Variants in EPN1 observed in about 807,000 individuals in gnomAD.
The protein encoded by EPN1 is epsin 1, also known as epsin-1.
Under a neutral mutation model 56.9 loss-of-function variants are expected in EPN1, and 25 were observed. The ratio of observed to expected loss-of-function variants is 0.44; its 90% CI spans 0.32 to 0.61. EPN1 has a LOEUF of 0.61. Among genes scored for constraint, EPN1 ranks in the 20% least tolerant of loss-of-function variants. The probability of loss-of-function intolerance (pLI) is 0.05; values close to 1 mark genes in which losing one functional copy is unlikely to be tolerated. For synonymous variants in EPN1, 411 were observed against 361.8 expected, an observed-to-expected ratio of 1.14 and a Z score of -1.54; for missense variants, 785 against 823.7, an observed-to-expected ratio of 0.95 and a Z score of 0.58.
chr19:55,683,742 G>A (rs758142828), intron 2 of EPN1, among the ~76,000 whole-genome samples: 3 of 152,198 alleles, frequency 2.0e-5, no homozygotes, highest in South Asian at 2.1e-4. Flanking sequence ...GTGGGTATTC[G>A]CACTATTTCC....
intron 2 of EPN1, among the ~76,000 whole-genome samples, 200 bp downstream of exon 2, chr19:55,679,055 AGTGAGTGGTGC>A (rs2122161983): frequency 6.6e-6 from 1 of 152,334 alleles, no homozygotes; most frequent in South Asian, 2.1e-4. Context: ...TCTGTTTTTG[AGTGAGTGGTGC>A]GTACGTAAGA....
Position 55,689,223 on chromosome 19 carries a change from A to G in EPN1, c.604-74A>G, listed in dbSNP as rs1309122627. ...CCCAGCCCTCTCTTTCTTCGGCTCTATCTGACCCTGGCTCTGCCTCTGACT... is the reference window on the plus strand; with the variant it reads ...CCCAGCCCTCTCTTTCTTCGGCTCTGTCTGACCCTGGCTCTGCCTCTGACT... On this transcript the variant is annotated intron_variant, in intron 4 of 10. Transcript: ENST00000270460. The surrounding 1 kb of genome is among the most constrained non-coding windows in gnomAD (Gnocchi z 5.7). The G allele has an allele frequency of 6.4e-6, 8 of 1,252,274 alleles. No homozygotes were observed. Among genetic ancestry groups the G allele is most frequent in the African/African-American group, 4.5e-5 (3 of 67,184 alleles). 77.6% of individuals were successfully genotyped at this position (1,252,274 alleles called of 1,614,324 possible).
intron 9 of EPN1, 172 bp downstream of exon 9, chr19:55,693,209 T>C: frequency 3.7e-6 from 2 of 546,000 alleles, no homozygotes; most frequent in Non-Finnish European, 6.4e-6. Flanking sequence ...TTAAAAGAAG[T>C]GTGCATCTTT....
At position 55,708,937 on chromosome 19, in the gene EPN1, T is replaced by C. The variant is rs772871257; in HGVS notation, c.*13581T>C. 1 of 1,567,376 alleles carries C rather than the reference T, an allele frequency of 6.4e-7. No individual in the cohort carries two copies. Among genetic ancestry groups the C allele is most frequent in the East Asian group, 2.4e-5 (1 of 41,138 alleles). ...TCAGAGGAGCACACCCCTGATCTTG[T>C]ATTCCTCGTCAATCCAAGGTCCATG... On this transcript the variant is annotated 3_prime_UTR_variant, in exon 11 of 11. Coordinates refer to ENST00000270460, the MANE Select transcript of EPN1 (RefSeq NM_001130072.2).
chr19:55,709,070 T>G lies in EPN1; in HGVS notation c.*13714T>G, dbSNP rs775443840. ...CTGGGAAAATAGAAATAAAGTTTTT[T>G]TTTTTGTTTTTCATTTTTACACAGT... On this transcript the variant is annotated 3_prime_UTR_variant, in exon 11 of 11. Coordinates refer to ENST00000270460, the MANE Select transcript of EPN1 (RefSeq NM_001130072.2). 7 of 1,548,474 alleles carry G rather than the reference T, an allele frequency of 4.5e-6. No individual in the cohort carries two copies. The highest frequency in any genetic ancestry group is 5.2e-6 in the Non-Finnish European group (6 of 1,156,556).
rs1430231224 is a variant in EPN1 at position 55,689,354 on chromosome 19, C to G, written c.661C>G (p.Arg221Gly). The change falls in exon 5 of 11, where the codon CGA (arginine) becomes GGA (glycine). Residue 221 changes from arginine (R) to glycine (G), a missense_variant. Coordinates refer to ENST00000270460, the MANE Select transcript of EPN1 (RefSeq NM_001130072.2). This position sits in a 1 kb window ranked among gnomAD's most constrained non-coding sequence, Gnocchi z 5.7. ...GCTCCAGCTGGCCCTTAGTTTGAGC[C>G]GAGAAGAGCATGATAAGGTCAGAGC... ...AQLQLALSLSREEHDKEERIR... is the reference protein window; with the variant it reads ...AQLQLALSLSGEEHDKEERIR... 1 of 1,551,746 alleles carries G rather than the reference C, an allele frequency of 6.4e-7. No homozygotes were observed. The highest frequency in any genetic ancestry group is 8.7e-7 in the Non-Finnish European group (1 of 1,147,006).
chr19:55,699,139 T>C lies in EPN1; in HGVS notation c.*3783T>C, dbSNP rs1186609375. ...TTGTTACATATATATACATGTGCCA[T>C]GTTGGTGTGCTGCACGCATTAACTC... On this transcript the variant is annotated 3_prime_UTR_variant, in exon 11 of 11. Transcript: ENST00000270460. 6.6e-6 allele frequency: 1 copy of C among 152,210 alleles called. No individual in the cohort carries two copies. The highest frequency in any genetic ancestry group is 6.5e-5 in the Admixed American group (1 of 15,270). 9.4% of individuals were successfully genotyped at this position (152,210 alleles called of 1,614,324 possible). A position where few individuals can be genotyped will look rare whatever the true frequency, so the allele number is the denominator to read the frequency against.
Position 55,694,824 on chromosome 19 carries a change from C to A in EPN1, c.1363C>A (p.Pro455Thr). 6.2e-7 allele frequency: 1 copy of A among 1,609,762 alleles called. No individual in the cohort carries two copies. Among genetic ancestry groups the A allele is most frequent in the Non-Finnish European group, 8.5e-7 (1 of 1,178,464 alleles). Residue 455 changes from proline to threonine, a missense_variant, in exon 10 of 11, where the codon CCC (proline) becomes ACC (threonine). By Grantham distance (38) the Pro-to-Thr change is conservative. Around this residue, in one of 2 missense-constraint regions of EPN1, gnomAD observed 650 missense variants for 605.0 expected, o/e 1.07. Coordinates refer to ENST00000270460, the MANE Select transcript of EPN1 (RefSeq NM_001130072.2). This position sits in a 1 kb window ranked among gnomAD's most constrained non-coding sequence, Gnocchi z 4.2. Reference sequence around the variant, plus strand: ...ATCTCTGGCTGAGGCTGTGGGCAGCCCCCCACCTGCAGCCACACCAACTCC... The same window carrying A: ...ATCTCTGGCTGAGGCTGTGGGCAGCACCCCACCTGCAGCCACACCAACTCC... The part of the protein sequence containing the change: ...RGSLAEAVGS[P>T]PPAATPTPTP...
intron 3 of EPN1, among the ~76,000 whole-genome samples, chr19:55,686,094 C>G (rs1192489435): frequency 3.9e-5 from 6 of 152,184 alleles, no homozygotes; most frequent in Non-Finnish European, 8.8e-5. Context: ...GCAGGTTGCA[C>G]CAGGCATCTG....
In EPN1 at chr19:55,694,447, G is replaced by A; in HGVS notation, c.1265-279G>A. 1 of 397,668 alleles carries A rather than the reference G, an allele frequency of 2.5e-6. No individual in the cohort carries two copies. The highest frequency in any genetic ancestry group is 4.4e-6 in the Non-Finnish European group (1 of 225,548). 24.6% of individuals were successfully genotyped at this position (397,668 alleles called of 1,614,324 possible). The stretch of plus-strand genomic sequence containing the variant: ...TATAGACCCTGGACGGCCCCACCCT[G>A]AAGCAGTTGCTGCCCTCTGGTTGTC... On this transcript the variant is annotated intron_variant, in intron 9 of 10. Coordinates refer to ENST00000270460, the MANE Select transcript of EPN1 (RefSeq NM_001130072.2). The surrounding 1 kb of genome is among the most constrained non-coding windows in gnomAD (Gnocchi z 4.2).
At position 55,695,045 on chromosome 19, in the gene EPN1, C is replaced by T. The variant is rs1986830635; in HGVS notation, c.1522+62C>T. ...GTGGGTTCCACCAGAGGAGGTGCCT[C>T]ACGGGGCAGGGACACTTCGCCCTTT... On this transcript the variant is annotated intron_variant, in intron 10 of 10. Transcript: ENST00000270460. The surrounding 1 kb of genome is among the most constrained non-coding windows in gnomAD (Gnocchi z 4.4). The T allele has an allele frequency of 1.3e-6, 2 of 1,580,012 alleles. No homozygotes were observed. Among genetic ancestry groups the T allele is most frequent in the Admixed American group, 1.8e-5 (1 of 55,938 alleles).
chr19:55,692,880 C>T (rs939448594), intron 8 of EPN1, 71 bp from the exon 9 acceptor site: 61 of 1,593,724 alleles, frequency 3.8e-5, no homozygotes, highest in Middle Eastern at 1.7e-4. Context: ...GAGGGGTGGA[C>T]GCCTGGACTG....
chr19:55,693,079 T>TCCCCTAGCTCTTCGGGAGCCC (rs1433840512), intron 9 of EPN1, 42 bp downstream of exon 9: 1 of 1,572,280 alleles, frequency 6.4e-7, no homozygotes, highest in East Asian at 2.3e-5. Flanking sequence ...AGAGGGAGCC[T>TCCCCTAGCTCTTCGGGAGCCC]CCCCTAGCTC....
Position 55,695,795 on chromosome 19 carries a change from G to A in EPN1, c.*439G>A, listed in dbSNP as rs568645617. 7 of 164,396 alleles carry A rather than the reference G, an allele frequency of 4.3e-5. No homozygotes were observed. In the South Asian group the frequency reaches 1.2e-3, roughly 29 times the overall value. 10.2% of individuals were successfully genotyped at this position (164,396 alleles called of 1,614,324 possible). A position where few individuals can be genotyped will look rare whatever the true frequency, so the allele number is the denominator to read the frequency against. ...CCCAGATTCCCATCTGTGATTTCGT[G>A]TGTCCCCCAGAGCCCCTTCATCCAG... On this transcript the variant is annotated 3_prime_UTR_variant, in exon 11 of 11. Coordinates refer to ENST00000270460, the MANE Select transcript of EPN1 (RefSeq NM_001130072.2). This position sits in a 1 kb window ranked among gnomAD's most constrained non-coding sequence, Gnocchi z 4.4.
chr19:55,676,013 G>C (rs1160955193), intron 1 of EPN1, among the ~76,000 whole-genome samples: 1 of 152,152 alleles, frequency 6.6e-6, no homozygotes, highest in African/African-American at 2.4e-5. Context: ...CCCAGCCTTG[G>C]ATTCAGAAGC....
At chr19:55,683,119 T>A (rs2122177047) in intron 2 of EPN1, among the ~76,000 whole-genome samples, 2 of 150,414 alleles carry the variant, frequency 1.3e-5, no homozygotes, top group East Asian at 4.0e-4. Flanking sequence ...GCAGTGGTGC[T>A]ATCTTGGCTC....
Position 55,704,033 on chromosome 19 carries a change from C to G in EPN1, c.*8677C>G, listed in dbSNP as rs1172737932. The stretch of plus-strand genomic sequence containing the variant: ...TATTCAGTCCCTCGGAAACCCAGTT[C>G]CTCCGTTTCCAGGCTTCTCGCCCAC... On this transcript the variant is annotated 3_prime_UTR_variant, in exon 11 of 11. Transcript: ENST00000270460. 6.6e-6 allele frequency: 1 copy of G among 152,216 alleles called. No individual in the cohort carries two copies. Among genetic ancestry groups the G allele is most frequent in the Non-Finnish European group, 1.5e-5 (1 of 68,032 alleles). 9.4% of individuals were successfully genotyped at this position (152,216 alleles called of 1,614,324 possible).
At chr19:55,685,809 CT>C (rs1220960588) in intron 3 of EPN1, among the ~76,000 whole-genome samples, 164 bp downstream of exon 3, 1 of 152,214 alleles carries the variant, frequency 6.6e-6, no homozygotes, top group Non-Finnish European at 1.5e-5. Flanking sequence ...CACTTGGGCC[CT>C]TTTTTTCCCT....
At chr19:55,692,188 A>T in intron 7 of EPN1, 131 bp downstream of exon 7, 3 of 787,842 alleles carry the variant, frequency 3.8e-6, no homozygotes, top group Non-Finnish European at 5.5e-6. Context: ...GGTGCAGGGG[A>T]GGGGGCAAGG....
Sources: gnomAD v4.1 joint callset for allele counts (sites outside exome capture counted in the v4.1 genomes callset) on GRCh38, gnomAD v4.1.1 for gene constraint, gnomAD v4.1.1 regional missense constraint, Gnocchi (gnomAD v3.1) non-coding constraint, MANE v1.5 for transcripts, NCBI Gene and HGNC (gene_info 2026-07-23, HGNC 2026-07-21) for gene names.